RPS6KC1: variants seen among roughly 807,000 people sequenced by gnomAD.
RPS6KC1 encodes inactive ribosomal protein S6 kinase delta-1.
In RPS6KC1, 54 loss-of-function variants were observed where a neutral mutation model predicts 103.8. That is an observed-to-expected ratio of 0.52 (90% confidence interval 0.42 to 0.65). The LOEUF (loss-of-function observed/expected upper bound fraction) is 0.65, where lower values mean the gene tolerates loss of function less well. Among genes scored for constraint, RPS6KC1 ranks in the 30% least tolerant of loss-of-function variants. The pLI is 0.00. For synonymous variants in RPS6KC1, 439 were observed against 438.7 expected (o/e 1.00, Z -0.01); for missense variants, 1,151 against 1,253.8 (o/e 0.92, Z 1.24).
chr1:213,762,439 G>T, the RPS6KC1 span, among the ~76,000 whole-genome samples: 1 of 152,178 alleles, frequency 6.6e-6, no homozygotes, highest in African/African-American at 2.4e-5. Context: ...TTGAATGAAT[G>T]AATGAAAATA....
chr1:213,779,147 C>G, the RPS6KC1 span, among the ~76,000 whole-genome samples: 1 of 152,034 alleles, frequency 6.6e-6, no homozygotes, highest in Non-Finnish European at 1.5e-5. Context: ...ATAAATATTC[C>G]CCATTTCAGG....
the RPS6KC1 span, among the ~76,000 whole-genome samples, chr1:213,380,567 G>A: frequency 6.6e-6 from 1 of 151,882 alleles, no homozygotes; most frequent in South Asian, 2.1e-4. Context: ...ACAGACACAC[G>A]CACGGTAACT....
the RPS6KC1 span, among the ~76,000 whole-genome samples, chr1:213,694,436 C>T: frequency 6.6e-6 from 1 of 152,166 alleles, no homozygotes; most frequent in Non-Finnish European, 1.5e-5. Flanking sequence ...TGAATTTCCC[C>T]CAGCCTTTTC....
chr1:213,455,067 G>C, the RPS6KC1 span, among the ~76,000 whole-genome samples: 32 of 152,178 alleles, frequency 2.1e-4, no homozygotes, highest in Non-Finnish European at 1.0e-4. Context: ...TGTGGACATT[G>C]AGGGGAGAAA....
chr1:213,509,761 A>G, the RPS6KC1 span, among the ~76,000 whole-genome samples: 1 of 152,240 alleles, frequency 6.6e-6, no homozygotes, highest in Admixed American at 6.5e-5. Flanking sequence ...AGCAGACACA[A>G]ACTTTAATGC....
chr1:213,363,682 CTTTCTTTCTTTCTTTCTTTCCTTCT>C, the RPS6KC1 span, among the ~76,000 whole-genome samples: 7 of 105,018 alleles, frequency 6.7e-5, 1 homozygote, highest in South Asian at 2.7e-4. Flanking sequence ...TTCTTTCTTT[CTTTCTTTCTTTCTTTCTTTCCTTCT>C]TTCTTTCTTT....
chr1:213,610,860 C>A, the RPS6KC1 span, among the ~76,000 whole-genome samples: 8 of 152,336 alleles, frequency 5.3e-5, no homozygotes, highest in East Asian at 1.5e-3. Context: ...TTGGAGTCAA[C>A]TGCATTTGCT....
the RPS6KC1 span, among the ~76,000 whole-genome samples, chr1:213,487,901 G>T: frequency 6.6e-6 from 1 of 152,104 alleles, no homozygotes. Flanking sequence ...TCATTCTGCT[G>T]CCCTTCTCCC....
the RPS6KC1 span, among the ~76,000 whole-genome samples, chr1:213,421,553 A>C: frequency 6.6e-6 from 1 of 152,266 alleles, no homozygotes; most frequent in Non-Finnish European, 1.5e-5. Context: ...TTTGACATCC[A>C]TACAGGGCTA....
chr1:213,411,240 A>C, the RPS6KC1 span, among the ~76,000 whole-genome samples: 1 of 152,336 alleles, frequency 6.6e-6, no homozygotes, highest in East Asian at 1.9e-4. Context: ...GAGGAAAGTC[A>C]CATGAGGAAG....
At chr1:213,243,097 G>C (rs1330244787) in intron 12 of RPS6KC1, among the ~76,000 whole-genome samples, 1 of 151,848 alleles carries the variant, frequency 6.6e-6, no homozygotes. Flanking sequence ...CCTGGGCTCA[G>C]GCAGTCCTGT....
At chr1:213,152,789 C>A (rs1410768728) in intron 6 of RPS6KC1, among the ~76,000 whole-genome samples, 4 of 151,364 alleles carry the variant, frequency 2.6e-5, no homozygotes, top group Admixed American at 6.6e-5. Flanking sequence ...CCTCACATCC[C>A]AGATGATGGG....
the RPS6KC1 span, among the ~76,000 whole-genome samples, chr1:213,558,920 A>G: frequency 6.6e-6 from 1 of 152,218 alleles, no homozygotes. Flanking sequence ...ATAGCTCCAG[A>G]GCCTCTCTAA....
chr1:213,389,259 C>T, the RPS6KC1 span, among the ~76,000 whole-genome samples: 3 of 152,114 alleles, frequency 2.0e-5, no homozygotes, highest in African/African-American at 7.2e-5. Context: ...AAAGACAGGC[C>T]AGAGTTGGAG....
chr1:213,849,348 G>A, the RPS6KC1 span, among the ~76,000 whole-genome samples: 3 of 152,156 alleles, frequency 2.0e-5, no homozygotes, highest in Non-Finnish European at 4.4e-5. Context: ...GGCAATCCAT[G>A]TAGGCTCCTA....
At chr1:213,109,803 A>G (rs577059172) in intron 4 of RPS6KC1, among the ~76,000 whole-genome samples, 3 of 151,278 alleles carry the variant, frequency 2.0e-5, no homozygotes, top group Non-Finnish European at 4.4e-5. Context: ...TCTCGTAGGT[A>G]TACCTAGGAG....
intron 8 of RPS6KC1, among the ~76,000 whole-genome samples, chr1:213,209,993 C>A (rs73093616): frequency 6.6e-6 from 1 of 152,002 alleles, no homozygotes; most frequent in Non-Finnish European, 1.5e-5. Context: ...GTGCAGTGAG[C>A]GGTGAGGACG....
At chr1:213,156,241 C>A (rs2089874462) in intron 6 of RPS6KC1, among the ~76,000 whole-genome samples, 1 of 152,068 alleles carries the variant, frequency 6.6e-6, no homozygotes, top group South Asian at 2.1e-4. Flanking sequence ...TGATCTGTGG[C>A]AGATTAGATT....
At chr1:213,156,322 A>G (rs1558439451) in intron 6 of RPS6KC1, among the ~76,000 whole-genome samples, 1 of 152,212 alleles carries the variant, frequency 6.6e-6, no homozygotes, top group African/African-American at 2.4e-5. Flanking sequence ...CAGTGAGATA[A>G]AAGTATTTTT....
Sources: allele counts gnomAD v4.1 joint callset (sites outside exome capture counted in the v4.1 genomes callset), GRCh38; gene constraint gnomAD v4.1.1; transcripts MANE v1.5; gene names NCBI Gene and HGNC (gene_info 2026-07-23, HGNC 2026-07-21).